Variants in RASA2 observed in about 807,000 individuals in gnomAD.
RASA2 encodes RAS p21 protein activator 2.
A neutral mutation model predicts 118.2 loss-of-function variants in RASA2; 155 were observed. The observed-to-expected ratio is 1.31, with a 90% CI of 1.15 to 1.50. RASA2 has a LOEUF of 1.50. Among genes scored for constraint, RASA2 ranks in the 40% most tolerant of loss-of-function variants. RASA2 has a pLI of 0.00. For synonymous variants in RASA2, 353 were observed against 349.1 expected, an observed-to-expected ratio of 1.01 and a Z score of -0.12; for missense variants, 1,016 against 1,009.6, an observed-to-expected ratio of 1.01 and a Z score of -0.09.
chr3:141,512,402 T>C, intron 2 of RASA2, 122 bp downstream of exon 2: 1 of 673,696 alleles, frequency 1.5e-6, no homozygotes, highest in South Asian at 2.0e-5. Flanking sequence ...CATGTGGCTT[T>C]TCATTGCCTC....
intron 4 of RASA2, among the ~76,000 whole-genome samples, chr3:141,532,595 A>G (rs749995291): frequency 8.5e-5 from 13 of 152,184 alleles, no homozygotes; most frequent in Non-Finnish European, 1.5e-4. Flanking sequence ...TGAAAAGTTA[A>G]AAATTTTTGC....
At chr3:141,578,240 G>A (rs978984922) in intron 15 of RASA2, among the ~76,000 whole-genome samples, 3 of 152,106 alleles carry the variant, frequency 2.0e-5, no homozygotes, top group Admixed American at 6.5e-5. Flanking sequence ...GATCATACTC[G>A]ATTTGAATTG....
In RASA2 at chr3:141,610,892, TA is replaced by T. The variant is rs200164867; in HGVS notation, c.2519+828del. 5.0e-3 allele frequency among the ~76,000 whole-genome samples: 761 copies of T among 152,202 alleles called. 8 individuals carry two copies. Among genetic ancestry groups the T allele is most frequent in the African/African-American group, 0.017 (723 of 41,526 alleles). The stretch of plus-strand genomic sequence containing the variant: ...TTACTGATCCTCCTTCTACAGTACA[TA>T]ATAAGAATTCACAAAACTCACCCCC... On this transcript the variant is annotated intron_variant, in intron 23 of 23. Coordinates refer to ENST00000286364, the MANE Select transcript of RASA2 (RefSeq NM_006506.5).
chr3:141,527,252 T>C (rs1437658504), intron 3 of RASA2, among the ~76,000 whole-genome samples: 4 of 152,230 alleles, frequency 2.6e-5, no homozygotes, highest in African/African-American at 9.6e-5. Context: ...CATATGTACA[T>C]CTATATACAT....
intron 4 of RASA2, among the ~76,000 whole-genome samples, chr3:141,537,424 A>G (rs976097573): frequency 2.6e-5 from 4 of 152,130 alleles, no homozygotes; most frequent in Admixed American, 2.6e-4. Flanking sequence ...TTCATTTTAT[A>G]GTTTCCAGGT....
chr3:141,573,380 A>C (rs1464842711), intron 13 of RASA2, among the ~76,000 whole-genome samples, 159 bp downstream of exon 13: 2 of 152,186 alleles, frequency 1.3e-5, no homozygotes, highest in African/African-American at 4.8e-5. Flanking sequence ...TCCTAGGATT[A>C]GTTTTTAGAA....
At chr3:141,541,674 G>T (rs899909403) in intron 5 of RASA2, among the ~76,000 whole-genome samples, 1 of 151,750 alleles carries the variant, frequency 6.6e-6, no homozygotes, top group Middle Eastern at 3.2e-3. Flanking sequence ...CTATTAAGGC[G>T]TTTTTTTCCT....
chr3:141,487,933 A>T (rs2081598618), intron 1 of RASA2, among the ~76,000 whole-genome samples: 1 of 152,110 alleles, frequency 6.6e-6, no homozygotes, highest in Admixed American at 6.5e-5. Context: ...TAAAGGCAGG[A>T]TGTAGTGGCT....
intron 5 of RASA2, among the ~76,000 whole-genome samples, chr3:141,540,898 G>C (rs560699078): frequency 6.6e-6 from 1 of 152,182 alleles, no homozygotes; most frequent in East Asian, 1.9e-4. Context: ...AATTGGAAAG[G>C]CTTCCCAAAG....
In RASA2 at chr3:141,572,061, T is replaced by TATATATATACAC. The variant is rs1250945462; in HGVS notation, c.1169+508_1169+509insTATATATACACA. ...ATATATATATATATATATATATATA[T>TATATATATACAC]ACACACACACACACACATATGTATT... On this transcript the variant is annotated intron_variant, in intron 11 of 23. Coordinates refer to ENST00000286364, the MANE Select transcript of RASA2 (RefSeq NM_006506.5). Among the ~76,000 whole-genome samples the TATATATATACAC allele has an allele frequency of 4.1e-5, 4 of 98,248 alleles. No homozygotes were observed. In the East Asian group the frequency reaches 1.1e-3, roughly 28 times the overall value. 64.5% of individuals were successfully genotyped at this position (98,248 alleles called of 152,430 possible). A position where few individuals can be genotyped will look rare whatever the true frequency, so the allele number is the denominator to read the frequency against.
At chr3:141,518,474 C>T (rs2082063144) in intron 3 of RASA2, among the ~76,000 whole-genome samples, 1 of 70,806 alleles carries the variant, frequency 1.4e-5, no homozygotes, top group South Asian at 5.1e-4. Flanking sequence ...CAGAGCAAGA[C>T]ACCATCTCAA....
At chr3:141,523,627 T>C (rs1447985218) in intron 3 of RASA2, among the ~76,000 whole-genome samples, 1 of 152,230 alleles carries the variant, frequency 6.6e-6, no homozygotes, top group African/African-American at 2.4e-5. Flanking sequence ...TTACCTCCTA[T>C]TATGTATTTT....
chr3:141,607,908 A>G, intron 20 of RASA2, 148 bp downstream of exon 20: 1 of 994,572 alleles, frequency 1.0e-6, no homozygotes, highest in African/African-American at 1.7e-5. Context: ...TGTTTATTGG[A>G]TTGTTTACTA....
intron 1 of RASA2, among the ~76,000 whole-genome samples, chr3:141,496,849 C>T (rs2081709775): frequency 1.3e-5 from 2 of 152,102 alleles, no homozygotes; most frequent in South Asian, 2.1e-4. Flanking sequence ...CATGCTGCTA[C>T]AAAGACACAT....
intron 3 of RASA2, among the ~76,000 whole-genome samples, chr3:141,523,055 T>G (rs1399309970): frequency 6.6e-6 from 1 of 152,208 alleles, no homozygotes; most frequent in Non-Finnish European, 1.5e-5. Context: ...TGGAAATGTG[T>G]TTGCTTCTCT....
chr3:141,569,754 G>C (rs1004366099), intron 9 of RASA2, among the ~76,000 whole-genome samples: 10 of 152,030 alleles, frequency 6.6e-5, no homozygotes, highest in African/African-American at 2.4e-4. Context: ...ACAAAGTACC[G>C]GATGGTTTTT....
chr3:141,596,944 G>A (rs1283542098), intron 19 of RASA2, among the ~76,000 whole-genome samples: 1 of 152,152 alleles, frequency 6.6e-6, no homozygotes, highest in Non-Finnish European at 1.5e-5. Context: ...TCCACTGTTG[G>A]TTACCTACCC....
chr3:141,516,409 T>A lies in RASA2; in HGVS notation c.333T>A (p.Val111=). The change falls in exon 3 of 24, where the codon GTT becomes GTA. Residue 111 remains valine (V), a synonymous_variant. Coordinates refer to ENST00000286364, the MANE Select transcript of RASA2 (RefSeq NM_006506.5). ...CTTTCTATGTTTATGATAAGAATGT[T>A]TTACAAAGAGATCTCCGTATAGGTA... ...YLSFYVYDKN[V]LQRDLRIGKV... 1 of 1,552,366 alleles carries A rather than the reference T, an allele frequency of 6.4e-7. No individual in the cohort carries two copies. The highest frequency in any genetic ancestry group is 8.7e-7 in the Non-Finnish European group (1 of 1,149,596).
In RASA2 at chr3:141,588,154, C is replaced by T. The variant is rs142666464; in HGVS notation, c.1933+1402C>T. ...TCAGGATAGTTACATTAGTCTTTTA[C>T]AGCTGTCTTACCTCCACATAAATCA... On this transcript the variant is annotated intron_variant, in intron 19 of 23. Coordinates refer to ENST00000286364, the MANE Select transcript of RASA2 (RefSeq NM_006506.5). Among the ~76,000 whole-genome samples the T allele has an allele frequency of 4.4e-3, 671 of 152,290 alleles. 5 individuals are homozygous for T. Among genetic ancestry groups the T allele is most frequent in the African/African-American group, 0.015 (634 of 41,558 alleles).
Sources: allele counts gnomAD v4.1 joint callset (sites outside exome capture counted in the v4.1 genomes callset), GRCh38; gene constraint gnomAD v4.1.1; transcripts MANE v1.5; gene names NCBI Gene and HGNC (gene_info 2026-07-23, HGNC 2026-07-21).